Variants in USP15 observed in about 807,000 individuals in gnomAD.
USP15 encodes the protein ubiquitin specific peptidase 15.
In USP15, 18 loss-of-function variants were observed where a neutral mutation model predicts 127.1. The observed-to-expected ratio is 0.14, with a 90% CI of 0.10 to 0.21. The LOEUF (loss-of-function observed/expected upper bound fraction) is 0.21, where lower values mean the gene tolerates loss of function less well. Among genes scored for constraint, USP15 ranks in the 10% least tolerant of loss-of-function variants. USP15 has a pLI of 1.00. For missense variants in USP15, 805 were observed against 1,159.9 expected (o/e 0.69, Z 4.44); for synonymous variants, 364 against 393.7 (o/e 0.92, Z 0.89).
At chr12:62,370,247 A>G (rs556087513) in intron 8 of USP15, among the ~76,000 whole-genome samples, 1 of 151,984 alleles carries the variant, frequency 6.6e-6, no homozygotes, top group Non-Finnish European at 1.5e-5. Context: ...TATACTTTTA[A>G]CCTCACCTCT....
chr12:62,399,332 G>A (rs2067602078), intron 20 of USP15, among the ~76,000 whole-genome samples: 1 of 152,154 alleles, frequency 6.6e-6, no homozygotes, highest in Admixed American at 6.5e-5. Context: ...TCATCCCATG[G>A]CTATTTCCTT....
rs1042823772 is a variant in USP15, at chr12:62,408,864, G to A, written c.*4489G>A. 5 of 151,902 alleles carry A rather than the reference G, an allele frequency of 3.3e-5. No individual in the cohort carries two copies. Among genetic ancestry groups the A allele is most frequent in the African/African-American group, 1.2e-4 (5 of 41,390 alleles). 9.4% of individuals were successfully genotyped at this position (151,902 alleles called of 1,614,324 possible). A position where few individuals can be genotyped will look rare whatever the true frequency, so the allele number is the denominator to read the frequency against. On this transcript the variant is annotated 3_prime_UTR_variant, in exon 22 of 22. Transcript: ENST00000280377. ...TCAATTCAATATGTATGTGTTTTACGTGTTTAATTCGTATTTACTATATAT... is the reference window on the plus strand; with the variant it reads ...TCAATTCAATATGTATGTGTTTTACATGTTTAATTCGTATTTACTATATAT...
At chr12:62,344,788 C>T (rs2065762176) in intron 6 of USP15, among the ~76,000 whole-genome samples, 2 of 152,192 alleles carry the variant, frequency 1.3e-5, no homozygotes, top group South Asian at 2.1e-4. Flanking sequence ...CACACAGGCC[C>T]AACACCACAT....
chr12:62,391,257 T>C lies in USP15; in HGVS notation c.2061T>C (p.Asp687=), dbSNP rs139161856. The change falls in exon 16 of 22, where the codon GAT becomes GAC. Residue 687 remains aspartate, a synonymous_variant. Transcript: ENST00000280377. The part of the protein sequence containing the change: ...NSQSEDSVGG[D]NDSENGLCTE... Reference sequence around the variant, plus strand: ...AGTCTGAAGATTCAGTTGGAGGAGATAATGATTCTGAAAATGGATTATGTA... The same window carrying C: ...AGTCTGAAGATTCAGTTGGAGGAGACAATGATTCTGAAAATGGATTATGTA... The C allele has an allele frequency of 6.8e-6, 11 of 1,613,528 alleles. No homozygotes were observed. Among genetic ancestry groups the C allele is most frequent in the Non-Finnish European group, 8.5e-6 (10 of 1,179,736 alleles).
intron 3 of USP15, among the ~76,000 whole-genome samples, chr12:62,309,684 A>G (rs2064598291): frequency 6.6e-6 from 1 of 152,198 alleles, no homozygotes; most frequent in South Asian, 2.1e-4. Context: ...CAAATCCAGC[A>G]TTATGTAAAA....
At chr12:62,355,148 TATCTTAA>T in intron 7 of USP15, 176 bp from the exon 8 acceptor site, 1 of 491,780 alleles carries the variant, frequency 2.0e-6, no homozygotes, top group Non-Finnish European at 3.5e-6. Flanking sequence ...GGATAAGGAG[TATCTTAA>T]TTCAGGGTGA....
Position 62,392,253 on chromosome 12 carries a change from A to G in USP15, c.2305-19A>G. 3 of 1,514,540 alleles carry G rather than the reference A, an allele frequency of 2.0e-6. No individual in the cohort carries two copies. Among genetic ancestry groups the G allele is most frequent in the Non-Finnish European group, 2.7e-6 (3 of 1,106,142 alleles). 93.8% of individuals were successfully genotyped at this position (1,514,540 alleles called of 1,614,324 possible). On this transcript the variant is annotated intron_variant, in intron 17 of 21. Transcript: ENST00000280377. Reference sequence around the variant, plus strand: ...TTTGTTTCATTTGTTCTCTTAACTCAAGAAATACTTCTCTTTAGGACTTTG... The same window carrying G: ...TTTGTTTCATTTGTTCTCTTAACTCGAGAAATACTTCTCTTTAGGACTTTG...
At chr12:62,378,111 G>T (rs1486741161) in intron 8 of USP15, among the ~76,000 whole-genome samples, 2 of 152,110 alleles carry the variant, frequency 1.3e-5, no homozygotes, top group African/African-American at 4.8e-5. Flanking sequence ...GGAGGCTCAG[G>T]CAGGAGAATC....
chr12:62,310,083 T>G (rs189790624), intron 3 of USP15, among the ~76,000 whole-genome samples: 2 of 152,038 alleles, frequency 1.3e-5, no homozygotes, highest in East Asian at 3.9e-4. Flanking sequence ...TGGTAAACAA[T>G]TAGAATTAAT....
rs552379245 is a variant in USP15, at chr12:62,391,524, A to G, written c.2233+95A>G. 19 of 1,455,352 alleles carry G rather than the reference A, an allele frequency of 1.3e-5. No homozygotes were observed. The African/African-American group carries it at 2.2e-4, about 17-fold the overall frequency. 90.2% of individuals were successfully genotyped at this position (1,455,352 alleles called of 1,614,324 possible). A position where few individuals can be genotyped will look rare whatever the true frequency, so the allele number is the denominator to read the frequency against. On this transcript the variant is annotated intron_variant, in intron 16 of 21. Transcript: ENST00000280377. ...CCATGAAATTCAGCTCTGTCAAGAAATATACCATTTACTTTTCTATCTCAA... is the reference window on the plus strand; with the variant it reads ...CCATGAAATTCAGCTCTGTCAAGAAGTATACCATTTACTTTTCTATCTCAA...
chr12:62,311,249 TC>T (rs1044215069), intron 3 of USP15, among the ~76,000 whole-genome samples: 1 of 151,930 alleles, frequency 6.6e-6, no homozygotes, highest in Non-Finnish European at 1.5e-5. Context: ...ACTGTGTTTT[TC>T]TATACTGAAA....
At chr12:62,263,234 A>G (rs2063114518) in intron 1 of USP15, among the ~76,000 whole-genome samples, 2 of 152,104 alleles carry the variant, frequency 1.3e-5, no homozygotes, top group Non-Finnish European at 2.9e-5. Flanking sequence ...TGCCCTGTGG[A>G]ATATTGTCGT....
chr12:62,351,768 C>T (rs949891080), intron 7 of USP15, among the ~76,000 whole-genome samples: 5 of 151,808 alleles, frequency 3.3e-5, no homozygotes, highest in South Asian at 4.2e-4. Flanking sequence ...ATTTTAATAG[C>T]GAATAGTCAC....
Position 62,339,845 on chromosome 12 carries a change from T to C in USP15, c.684-9376T>C, listed in dbSNP as rs556226067. ...CATCAGGGATATTGGCCTGAAATTTTCTTTTTTTGTTGTGTCTCTGCCAGC... is the reference window on the plus strand; with the variant it reads ...CATCAGGGATATTGGCCTGAAATTTCCTTTTTTTGTTGTGTCTCTGCCAGC... On this transcript the variant is annotated intron_variant, in intron 6 of 21. Coordinates refer to ENST00000280377, the MANE Select transcript of USP15 (RefSeq NM_001252078.2). Among the ~76,000 whole-genome samples the C allele has an allele frequency of 6.0e-4, 91 of 152,224 alleles. 1 individual carries two copies. Among genetic ancestry groups the C allele is most frequent in the Non-Finnish European group, 2.1e-4 (14 of 68,042 alleles).
intron 5 of USP15, among the ~76,000 whole-genome samples, chr12:62,324,327 A>G (rs2065069320): frequency 6.6e-6 from 1 of 152,016 alleles, no homozygotes; most frequent in Non-Finnish European, 1.5e-5. Context: ...TTATGGTTAA[A>G]TAATTATATT....
intron 1 of USP15, among the ~76,000 whole-genome samples, chr12:62,270,504 T>G (rs1265105828): frequency 6.6e-6 from 1 of 152,134 alleles, no homozygotes; most frequent in African/African-American, 2.4e-5. Flanking sequence ...GCTCTTACAT[T>G]TAAGTCTGTA....
At chr12:62,265,280 A>G (rs2063165771) in intron 1 of USP15, among the ~76,000 whole-genome samples, 2 of 152,368 alleles carry the variant, frequency 1.3e-5, no homozygotes, top group East Asian at 3.9e-4. Context: ...AAGTGTAACA[A>G]GATAAAATCA....
At chr12:62,346,665 C>A (rs182944333) in intron 6 of USP15, among the ~76,000 whole-genome samples, 77 of 152,244 alleles carry the variant, frequency 5.1e-4, no homozygotes, top group Admixed American at 3.9e-3. Context: ...GTCTTTTTCT[C>A]TTCCTTAAAA....
chr12:62,349,253 C>T lies in USP15; in HGVS notation c.716C>T (p.Pro239Leu). The change falls in exon 7 of 22, where the codon CCA becomes CTA. Residue 239 changes from proline (P) to leucine (L), a missense_variant. By Grantham distance (98) the Pro-to-Leu change is moderately conservative (BLOSUM62 -3). Transcript: ENST00000280377. ...GGTGCATCCAATTTTTCAACTTTAC[C>T]AAAGATCTCTCCTTCATCTCTATCA... is the stretch of plus-strand genomic sequence containing the variant. ...SPGASNFSTL[P>L]KISPSSLSNN... 1.3e-6 allele frequency: 2 copies of T among 1,502,902 alleles called. No individual in the cohort carries two copies. The highest frequency in any genetic ancestry group is 1.3e-5 in the South Asian group (1 of 77,532). 93.1% of individuals were successfully genotyped at this position (1,502,902 alleles called of 1,614,324 possible).
Sources: allele counts gnomAD v4.1 joint callset (sites outside exome capture counted in the v4.1 genomes callset), GRCh38; gene constraint gnomAD v4.1.1; transcripts MANE v1.5; gene names NCBI Gene and HGNC (gene_info 2026-07-23, HGNC 2026-07-21).